The following OTOGL variants were observed in gnomAD, a reference collection of about 807,000 sequenced individuals.
OTOGL encodes the protein otogelin like.
OTOGL carries 285 observed loss-of-function variants against 318.5 expected under a neutral mutation model. The ratio of observed to expected loss-of-function variants is 0.89; its 90% CI spans 0.81 to 0.99. The LOEUF (loss-of-function observed/expected upper bound fraction) is 0.99. Ranked by LOEUF, OTOGL falls within the 50% of genes least tolerant of loss-of-function variation. The pLI is 0.00. For missense variants in OTOGL, 2,899 were observed against 2,845.6 expected (o/e 1.02, Z -0.43); for synonymous variants, 987 against 936.5 (o/e 1.05, Z -0.99).
At chr12:80,308,127 G>A (rs1334442451) in intron 29 of OTOGL, among the ~76,000 whole-genome samples, 26 of 150,044 alleles carry the variant, frequency 1.7e-4, no homozygotes, top group Admixed American at 2.0e-4. Context: ...CGGACGGGGC[G>A]GCTGGCCGGG....
At chr12:80,190,337 A>T (rs1047571093) in intron 1 of OTOGL, among the ~76,000 whole-genome samples, 5 of 152,222 alleles carry the variant, frequency 3.3e-5, no homozygotes, top group Non-Finnish European at 5.9e-5. Flanking sequence ...AAATTCAAAG[A>T]AGCACAACAA....
intron 1 of OTOGL, among the ~76,000 whole-genome samples, chr12:80,112,705 C>CTTTTTTTT (rs546093754): frequency 3.9e-5 from 5 of 128,666 alleles, no homozygotes; most frequent in Non-Finnish European, 4.9e-5. Context: ...CTGAAATTTT[C>CTTTTTTTT]TTTCTTTTTT....
rs1331173435 is a variant in OTOGL at position 80,149,038 on chromosome 12, CCTT to C, written c.-20+49439_-20+49441del. Among the ~76,000 whole-genome samples, 178 of 152,210 alleles carry C rather than the reference CCTT, an allele frequency of 1.2e-3. 2 individuals carry two copies. Among genetic ancestry groups the C allele is most frequent in the Non-Finnish European group, 1.0e-4 (7 of 68,038 alleles). On this transcript the variant is annotated intron_variant, in intron 1 of 58. Transcript: ENST00000547103. ...CTCAGAGTAATTTGATCGTCTGAAG[CCTT>C]CTTCTCTCAGCTCGTCAAAGTCGTT...
intron 1 of OTOGL, among the ~76,000 whole-genome samples, chr12:80,167,240 G>C (rs377468203): frequency 6.6e-6 from 1 of 152,250 alleles, no homozygotes; most frequent in East Asian, 1.9e-4. Context: ...GTAGAGTGAA[G>C]GGTGCAAGTC....
intron 42 of OTOGL, 55 bp downstream of exon 42, chr12:80,337,059 AAC>A (rs1370927545): frequency 9.2e-6 from 12 of 1,304,070 alleles, no homozygotes; most frequent in East Asian, 5.0e-5. Context: ...AAATTATACA[AAC>A]AGTTATTTCC....
chr12:80,186,760 G>A (rs547851243), intron 1 of OTOGL, among the ~76,000 whole-genome samples: 14 of 152,052 alleles, frequency 9.2e-5, no homozygotes, highest in African/African-American at 3.4e-4. Context: ...AGAGTACAGT[G>A]CCTTGCTTAA....
intron 52 of OTOGL, among the ~76,000 whole-genome samples, chr12:80,362,236 C>G (rs1890275971): frequency 6.6e-6 from 1 of 152,174 alleles, no homozygotes; most frequent in Admixed American, 6.6e-5. Flanking sequence ...ATTGAATAGA[C>G]TATCCTTTTC....
At chr12:80,262,584 T>A (rs944636746) in intron 19 of OTOGL, among the ~76,000 whole-genome samples, 5 of 152,070 alleles carry the variant, frequency 3.3e-5, no homozygotes, top group Non-Finnish European at 5.9e-5. Context: ...TGCCATTGAG[T>A]GGGCAACAAT....
At chr12:80,236,776 T>C (rs1879886434) in intron 9 of OTOGL, among the ~76,000 whole-genome samples, 1 of 151,442 alleles carries the variant, frequency 6.6e-6, no homozygotes, top group South Asian at 2.1e-4. Context: ...TAGGATTCTT[T>C]TCGTTTTTGT....
At chr12:80,265,261 CTA>C in intron 20 of OTOGL, 51 bp downstream of exon 20, 2 of 1,502,244 alleles carry the variant, frequency 1.3e-6, no homozygotes, top group Non-Finnish European at 1.8e-6. Context: ...TTAGAGACCT[CTA>C]TGTTTGTAAT....
In OTOGL at chr12:80,289,590, T is replaced by C. The variant is rs1488076273; in HGVS notation, c.2929-7237T>C. Among the ~76,000 whole-genome samples the C allele has an allele frequency of 2.6e-5, 4 of 152,218 alleles. No homozygotes were observed. In the East Asian group the frequency reaches 7.7e-4, roughly 29 times the overall value. ...TGCTGCATTTCTTTCAGAGATGTCC[T>C]GCCCAGTGAGGAGGAATCCAGAGAG... is the stretch of plus-strand genomic sequence containing the variant. On this transcript the variant is annotated intron_variant, in intron 26 of 58. Transcript: ENST00000547103.
chr12:80,376,587 A>G (rs910327298), intron 57 of OTOGL, among the ~76,000 whole-genome samples: 1 of 152,156 alleles, frequency 6.6e-6, no homozygotes, highest in African/African-American at 2.4e-5. Flanking sequence ...CATAAAATCA[A>G]GTATGACTCA....
intron 37 of OTOGL, among the ~76,000 whole-genome samples, chr12:80,330,632 C>G (rs749106248): frequency 1.3e-5 from 2 of 152,180 alleles, no homozygotes; most frequent in Non-Finnish European, 2.9e-5. Flanking sequence ...CAACCATAAT[C>G]TCTTTGCAGA....
At chr12:80,313,702 G>A in intron 31 of OTOGL, 70 bp downstream of exon 31, 1 of 1,323,704 alleles carries the variant, frequency 7.6e-7, no homozygotes, top group Non-Finnish European at 1.0e-6. Flanking sequence ...TGTTGATTTA[G>A]CTTAGAAATA....
chr12:80,247,111 C>T (rs1417097466), intron 11 of OTOGL, among the ~76,000 whole-genome samples: 3 of 139,490 alleles, frequency 2.2e-5, no homozygotes, highest in Non-Finnish European at 4.6e-5. Context: ...TTTCAAAAAA[C>T]CAGCTCCTGG....
chr12:80,367,818 A>C (rs1890642724), intron 54 of OTOGL, 79 bp downstream of exon 54: 2 of 954,014 alleles, frequency 2.1e-6, no homozygotes, highest in Non-Finnish European at 2.9e-6. Context: ...GAAATGGTGA[A>C]TACTCCATTA....
At chr12:80,285,549 T>C (rs1021219805) in intron 26 of OTOGL, among the ~76,000 whole-genome samples, 2 of 152,162 alleles carry the variant, frequency 1.3e-5, no homozygotes, top group African/African-American at 2.4e-5. Context: ...TCCTCTCTTA[T>C]TTCTTTGAGC....
chr12:80,239,127 A>G, intron 10 of OTOGL, 149 bp downstream of exon 10: 1 of 1,109,664 alleles, frequency 9.0e-7, no homozygotes, highest in South Asian at 2.0e-5. Flanking sequence ...AATCACCTTA[A>G]TTTTAGAAAT....
rs376977159 is a variant in OTOGL at position 80,320,404 on chromosome 12, C to A, written c.3803-18C>A. ...ATCTTCCTTCTCCTGAGAATCCACA[C>A]TGCTCTATATTTTACAGCATTAGCA... On this transcript the variant is annotated intron_variant, in intron 33 of 58. Transcript: ENST00000547103. The A allele has an allele frequency of 1.1e-5, 17 of 1,589,788 alleles. 1 individual carries two copies. Among genetic ancestry groups the A allele is most frequent in the Admixed American group, 1.8e-5 (1 of 57,140 alleles).
Sources: allele counts gnomAD v4.1 joint callset (sites outside exome capture counted in the v4.1 genomes callset), GRCh38; gene constraint gnomAD v4.1.1; transcripts MANE v1.5; gene names NCBI Gene and HGNC (gene_info 2026-07-23, HGNC 2026-07-21).